Variants in PCDHA1 observed in about 807,000 individuals in gnomAD.
PCDHA1 encodes protocadherin alpha-1.
PCDHA1 carries 42 observed loss-of-function variants against 61.3 expected under a neutral mutation model. That is an observed-to-expected ratio of 0.69 (90% confidence interval 0.54 to 0.89). The LOEUF (loss-of-function observed/expected upper bound fraction) is 0.89, where lower values mean the gene tolerates loss of function less well. PCDHA1 is among the 40% of genes least tolerant of loss of function. The pLI is 0.00. For synonymous variants in PCDHA1, 610 were observed against 553.8 expected, an observed-to-expected ratio of 1.10 and a Z score of -1.43; for missense variants, 1,256 against 1,235.3, an observed-to-expected ratio of 1.02 and a Z score of -0.25.
intron 1 of PCDHA1, among the ~76,000 whole-genome samples, chr5:140,933,901 C>T (rs1218971055): frequency 4.0e-5 from 6 of 151,882 alleles, no homozygotes; most frequent in African/African-American, 1.2e-4. Context: ...AATATTTTGG[C>T]ATAAAGTTGT....
chr5:140,983,704 A>T (rs1364816662), intron 3 of PCDHA1, among the ~76,000 whole-genome samples: 3 of 152,226 alleles, frequency 2.0e-5, no homozygotes, highest in Non-Finnish European at 4.4e-5. Flanking sequence ...AAATCCAAGT[A>T]TATCTAGCAC....
chr5:140,859,139 T>G (rs2045740585), intron 1 of PCDHA1: 1 of 150,214 alleles, frequency 6.7e-6, no homozygotes, highest in African/African-American at 2.4e-5. Context: ...TTACATAATT[T>G]TATCCAGTAG....
rs2150339542 is a variant in PCDHA1 at position 140,842,572 on chromosome 5, A to T, written c.2394+53888A>T. 7.8e-6 allele frequency: 12 copies of T among 1,538,104 alleles called. 2 individuals carry two copies. In the South Asian group the frequency reaches 8.0e-5, roughly 10 times the overall value. On this transcript the variant is annotated intron_variant, in intron 1 of 3. Transcript: ENST00000504120. Reference sequence around the variant, plus strand: ...TGGACAGCGCCCTGGACCGCGAGAGAGTGTCGGCCTATGAGTTGGTGGTAA... The same window carrying T: ...TGGACAGCGCCCTGGACCGCGAGAGTGTGTCGGCCTATGAGTTGGTGGTAA...
chr5:140,831,992 C>T (rs2150198837), intron 1 of PCDHA1, among the ~76,000 whole-genome samples: 4 of 152,222 alleles, frequency 2.6e-5, no homozygotes, highest in African/African-American at 7.2e-5. Flanking sequence ...ATTACGGATT[C>T]CATATTGTTT....
rs1265467066 is a variant in PCDHA1 at position 140,843,106 on chromosome 5, C to A, written c.2394+54422C>A. On this transcript the variant is annotated intron_variant, in intron 1 of 3. Coordinates refer to ENST00000504120, the MANE Select transcript of PCDHA1 (RefSeq NM_018900.4). ...CGGGCCACGTGGTAGCGAAGGTGCGCGCAGTGGACGCCGACTCGGGCTACA... is the reference window on the plus strand; with the variant it reads ...CGGGCCACGTGGTAGCGAAGGTGCGAGCAGTGGACGCCGACTCGGGCTACA... 1.7e-5 allele frequency: 27 copies of A among 1,595,592 alleles called. 2 individuals are homozygous for A. The highest frequency in any genetic ancestry group is 8.4e-5 in the Admixed American group (5 of 59,298).
At chr5:140,802,172 A>G (rs1554121920) in intron 1 of PCDHA1, 2 of 1,614,260 alleles carry the variant, frequency 1.2e-6, no homozygotes, top group East Asian at 4.5e-5. Context: ...CCACGGATAA[A>G]GGAAATCCCC....
chr5:140,976,776 C>T (rs1554237952), intron 1 of PCDHA1, among the ~76,000 whole-genome samples: 1 of 152,184 alleles, frequency 6.6e-6, no homozygotes. Context: ...TAGACTCTGA[C>T]TATATAGCTA....
chr5:140,967,425 C>G, intron 1 of PCDHA1: 2 of 1,613,296 alleles, frequency 1.2e-6, no homozygotes, highest in Non-Finnish European at 1.7e-6. Context: ...CGGGAGCAGG[C>G]AGCCTTGCAC....
At chr5:140,833,108 C>T (rs1340494019) in intron 1 of PCDHA1, among the ~76,000 whole-genome samples, 2 of 152,180 alleles carry the variant, frequency 1.3e-5, no homozygotes, top group African/African-American at 4.8e-5. Context: ...TTTTGACACT[C>T]TTCAAAGTCA....
At chr5:141,001,223 A>G (rs1349302343) in intron 3 of PCDHA1, among the ~76,000 whole-genome samples, 6 of 152,228 alleles carry the variant, frequency 3.9e-5, no homozygotes, top group Non-Finnish European at 8.8e-5. Context: ...AAGGATAGTT[A>G]CATTTAATCT....
chr5:140,823,462 G>A, intron 1 of PCDHA1: 3 of 1,613,462 alleles, frequency 1.9e-6, no homozygotes, highest in Non-Finnish European at 2.5e-6. Context: ...CAACGCGCCG[G>A]CGCTGCTGGT....
intron 1 of PCDHA1, chr5:140,871,342 T>C: frequency 6.2e-7 from 1 of 1,614,120 alleles, no homozygotes; most frequent in Non-Finnish European, 8.5e-7. Context: ...GGTGGGGAGC[T>C]GGTCATACTC....
Position 140,811,879 on chromosome 5 carries a change from C to A in PCDHA1, c.2394+23195C>A, listed in dbSNP as rs184579564. ...TTTTTCTTGTAAATGTGTTTAGGTT[C>A]TTTGTAGATTCTGGATATTAGCCCT... On this transcript the variant is annotated intron_variant, in intron 1 of 3. Transcript: ENST00000504120. 4.6e-5 allele frequency: 7 copies of A among 152,100 alleles called. No individual in the cohort carries two copies. In the East Asian group the frequency reaches 1.4e-3, roughly 29 times the overall value. The allele number at this position is 152,100 out of a possible 1,614,324, so 9.4% of individuals were successfully genotyped here. A position where few individuals can be genotyped will look rare whatever the true frequency, so the allele number is the denominator to read the frequency against.
intron 1 of PCDHA1, chr5:140,810,296 A>T (rs782463375): frequency 2.0e-5 from 3 of 152,214 alleles, no homozygotes; most frequent in Non-Finnish European, 4.4e-5. Context: ...TCATAAATAT[A>T]TTGTACATTT....
intron 1 of PCDHA1, among the ~76,000 whole-genome samples, chr5:140,790,941 G>C (rs1761610581): frequency 6.6e-6 from 1 of 152,182 alleles, no homozygotes; most frequent in South Asian, 2.1e-4. Flanking sequence ...GAGTGGTATT[G>C]TCACTTAGTG....
intron 1 of PCDHA1, among the ~76,000 whole-genome samples, chr5:140,953,351 C>G (rs1007094673): frequency 3.3e-5 from 5 of 152,122 alleles, no homozygotes; most frequent in Non-Finnish European, 5.9e-5. Context: ...TTCTTTTGTT[C>G]TGTGCACTCA....
intron 1 of PCDHA1, among the ~76,000 whole-genome samples, chr5:140,840,943 A>G (rs1442704094): frequency 1.3e-5 from 2 of 152,054 alleles, no homozygotes; most frequent in Non-Finnish European, 2.9e-5. Flanking sequence ...TATTTGAAAT[A>G]TTGGGAAGAA....
intron 1 of PCDHA1, chr5:140,871,557 T>C (rs2053187983): frequency 1.3e-6 from 2 of 1,489,740 alleles, no homozygotes. Flanking sequence ...AATCCAGTTT[T>C]TTTTCACGGA....
rs1415621431 is a variant in PCDHA1, at chr5:140,835,028, C to T, written c.2394+46344C>T. On this transcript the variant is annotated intron_variant, in intron 1 of 3. Transcript: ENST00000504120. The stretch of plus-strand genomic sequence containing the variant: ...AGCTTCATTTATTGCTCACGGCCAC[C>T]GATGGAGGCAAACCCGAGCTGACTG... 1.7e-5 allele frequency: 22 copies of T among 1,326,496 alleles called. No individual in the cohort carries two copies. The African/African-American group carries it at 3.2e-4, about 19-fold the overall frequency. The allele number at this position is 1,326,496 out of a possible 1,614,324, so 82.2% of individuals were successfully genotyped here.
Sources: allele counts gnomAD v4.1 joint callset (sites outside exome capture counted in the v4.1 genomes callset), GRCh38; gene constraint gnomAD v4.1.1; transcripts MANE v1.5; gene names NCBI Gene and HGNC (gene_info 2026-07-23, HGNC 2026-07-21).